Variants in ELMO1 observed in about 807,000 individuals in gnomAD.
ELMO1 encodes the protein engulfment and cell motility protein 1.
A neutral mutation model predicts 98.9 loss-of-function variants in ELMO1; 26 were observed. The observed-to-expected ratio is 0.26, with a 90% confidence interval of 0.19 to 0.36. ELMO1 has a LOEUF of 0.36. Ranked by LOEUF, ELMO1 falls within the 10% of genes least tolerant of loss-of-function variation. The pLI is 1.00. For synonymous variants in ELMO1, 346 were observed against 346.0 expected (o/e 1.00, Z 0.00); for missense variants, 627 against 935.2 (o/e 0.67, Z 4.30).
At position 36,873,073 on chromosome 7, in the gene ELMO1, T is replaced by A. The variant is rs568927222; in HGVS notation, c.1823-2598A>T. Among the ~76,000 whole-genome samples, 5 of 152,282 alleles carry A rather than the reference T, an allele frequency of 3.3e-5. No individual in the cohort carries two copies. The East Asian group carries it at 7.7e-4, about 23-fold the overall frequency. On this transcript the variant is annotated intron_variant, in intron 19 of 21. Transcript: ENST00000310758. Reference sequence around the variant, plus strand: ...AGGTTTTGTGGAAGTACATATATATTTTTTTATATGCATTGTCCCTTGTCC... The same window carrying A: ...AGGTTTTGTGGAAGTACATATATATATTTTTATATGCATTGTCCCTTGTCC...
At chr7:36,947,657 T>C (rs1787610569) in intron 16 of ELMO1, among the ~76,000 whole-genome samples, 1 of 152,162 alleles carries the variant, frequency 6.6e-6, no homozygotes, top group African/African-American at 2.4e-5. Flanking sequence ...TCAATAACCT[T>C]GGGTCAAAGT....
intron 15 of ELMO1, among the ~76,000 whole-genome samples, chr7:37,021,939 A>T (rs1425474258): frequency 6.6e-6 from 1 of 152,106 alleles, no homozygotes; most frequent in Admixed American, 6.5e-5. Flanking sequence ...ACAGAACAAT[A>T]GAACAGAATA....
At chr7:37,121,413 T>A (rs1407885817) in intron 14 of ELMO1, among the ~76,000 whole-genome samples, 1 of 151,980 alleles carries the variant, frequency 6.6e-6, no homozygotes, top group East Asian at 1.9e-4. Context: ...GAATAACCAA[T>A]GCAGAGAAGT....
intron 1 of ELMO1, among the ~76,000 whole-genome samples, chr7:37,368,983 G>GTTAGC (rs1178717926): frequency 1.3e-5 from 2 of 152,164 alleles, no homozygotes; most frequent in East Asian, 3.8e-4. Context: ...AGGAGATGAA[G>GTTAGC]GGAGAAGCTT....
intron 6 of ELMO1, among the ~76,000 whole-genome samples, chr7:37,255,991 T>A (rs934277372): frequency 6.6e-6 from 1 of 152,154 alleles, no homozygotes; most frequent in African/African-American, 2.4e-5. Flanking sequence ...CCTCCTCCTC[T>A]GCTCCCCAGA....
chr7:37,446,955 A>C (rs546123384), intron 1 of ELMO1, among the ~76,000 whole-genome samples: 1 of 152,338 alleles, frequency 6.6e-6, no homozygotes, highest in Non-Finnish European at 1.5e-5. Context: ...AAAATTAAAA[A>C]TATGTGATGT....
At chr7:36,893,819 C>T (rs1805762819) in intron 17 of ELMO1, among the ~76,000 whole-genome samples, 1 of 152,108 alleles carries the variant, frequency 6.6e-6, no homozygotes, top group Non-Finnish European at 1.5e-5. Flanking sequence ...GCCTGCCCAT[C>T]TCACAGGGAC....
chr7:37,379,742 C>T (rs1272709597), intron 1 of ELMO1, among the ~76,000 whole-genome samples: 2 of 152,156 alleles, frequency 1.3e-5, no homozygotes, highest in Admixed American at 1.3e-4. Context: ...AACTTCTAAA[C>T]AATAGGAGAT....
At chr7:36,896,601 A>G (rs957277895) in intron 16 of ELMO1, among the ~76,000 whole-genome samples, 1 of 152,142 alleles carries the variant, frequency 6.6e-6, no homozygotes, top group South Asian at 2.1e-4. Context: ...CTGCATAAGC[A>G]TTGTTTCATG....
chr7:37,020,949 G>C (rs1408513676), intron 15 of ELMO1, among the ~76,000 whole-genome samples: 2 of 152,134 alleles, frequency 1.3e-5, no homozygotes, highest in African/African-American at 2.4e-5. Flanking sequence ...ACTTACATTA[G>C]AACTATTTGT....
At chr7:36,973,600 C>T (rs565187891) in intron 16 of ELMO1, among the ~76,000 whole-genome samples, 1 of 152,284 alleles carries the variant, frequency 6.6e-6, no homozygotes, top group African/African-American at 2.4e-5. Context: ...TCACAGCCCT[C>T]GCTCGCTCTC....
In ELMO1 at chr7:37,345,979, A is replaced by G. The variant is rs180814827; in HGVS notation, c.-73-3216T>C. 6.6e-3 allele frequency among the ~76,000 whole-genome samples: 965 copies of G among 146,774 alleles called. 15 individuals are homozygous for G. The highest frequency in any genetic ancestry group is 0.023 in the African/African-American group (912 of 39,896). ...ACTCCAGCCTGGGCAACAGAGCAAGACTCCATCTAAAAAAAAAAAAAAAAA... is the reference window on the plus strand; with the variant it reads ...ACTCCAGCCTGGGCAACAGAGCAAGGCTCCATCTAAAAAAAAAAAAAAAAA... On this transcript the variant is annotated intron_variant, in intron 1 of 21. Transcript: ENST00000310758.
chr7:37,081,839 G>T (rs1797881697), intron 15 of ELMO1, among the ~76,000 whole-genome samples: 1 of 152,112 alleles, frequency 6.6e-6, no homozygotes, highest in South Asian at 2.1e-4. Flanking sequence ...AAAAAATAAT[G>T]AAAACAATGA....
At chr7:36,864,208 T>C (rs1802850019) in intron 20 of ELMO1, among the ~76,000 whole-genome samples, 1 of 152,162 alleles carries the variant, frequency 6.6e-6, no homozygotes, top group Admixed American at 6.5e-5. Context: ...GGTGCTGAAG[T>C]CACTTGAGAC....
intron 6 of ELMO1, among the ~76,000 whole-genome samples, chr7:37,254,708 CA>C (rs1377382580): frequency 8.5e-5 from 13 of 152,206 alleles, no homozygotes; most frequent in African/African-American, 3.1e-4. Context: ...ATCATAATCT[CA>C]TGAGACCACC....
intron 1 of ELMO1, among the ~76,000 whole-genome samples, chr7:37,420,317 C>T (rs561409701): frequency 6.6e-6 from 1 of 152,342 alleles, no homozygotes; most frequent in East Asian, 1.9e-4. Flanking sequence ...TATACTTGGA[C>T]ATTAGGAGCA....
chr7:37,196,766 G>T (rs1350551581), intron 13 of ELMO1, among the ~76,000 whole-genome samples: 1 of 152,170 alleles, frequency 6.6e-6, no homozygotes, highest in East Asian at 1.9e-4. Context: ...TTGTGGGCAG[G>T]TTTCAAATCT....
intron 1 of ELMO1, among the ~76,000 whole-genome samples, chr7:37,367,496 G>A (rs890936738): frequency 6.6e-6 from 1 of 152,178 alleles, no homozygotes; most frequent in Non-Finnish European, 1.5e-5. Flanking sequence ...GATCAGAATG[G>A]AAGGGCACCA....
intron 16 of ELMO1, among the ~76,000 whole-genome samples, chr7:36,979,740 T>C (rs904550733): frequency 1.3e-5 from 2 of 152,192 alleles, no homozygotes; most frequent in Non-Finnish European, 2.9e-5. Flanking sequence ...GGACTTCAAA[T>C]TGCTGGCTCA....
Sources: allele counts gnomAD v4.1 joint callset (sites outside exome capture counted in the v4.1 genomes callset), GRCh38; gene constraint gnomAD v4.1.1; transcripts MANE v1.5; gene names NCBI Gene and HGNC (gene_info 2026-07-23, HGNC 2026-07-21).